ZC3HAV1: variants seen among roughly 807,000 people sequenced by gnomAD.
ZC3HAV1 encodes the protein zinc finger CCCH-type containing, antiviral 1, also known as zinc finger CCCH-type antiviral protein 1.
A neutral mutation model predicts 86.6 loss-of-function variants in ZC3HAV1; 41 were observed. The ratio of observed to expected loss-of-function variants is 0.47; its 90% CI spans 0.37 to 0.61. The LOEUF is 0.61. Ranked by LOEUF, ZC3HAV1 falls within the 20% of genes least tolerant of loss-of-function variation. The pLI is 0.00. For missense variants in ZC3HAV1, 964 were observed against 1,141.1 expected, an observed-to-expected ratio of 0.84 and a Z score of 2.24; for synonymous variants, 421 against 432.1, an observed-to-expected ratio of 0.97 and a Z score of 0.32.
chr7:139,097,185 A>G (rs1817615357), intron 1 of ZC3HAV1, among the ~76,000 whole-genome samples: 1 of 150,398 alleles, frequency 6.6e-6, no homozygotes, highest in Non-Finnish European at 1.5e-5. Flanking sequence ...GAAAATTTTA[A>G]AAATAAATGA....
Position 139,047,739 on chromosome 7 carries a change from A to G in ZC3HAV1, c.2564T>C (p.Ile855Thr). ...CTGTGGAGGAGGGCTCGTGTACGTT[A>G]TATTTCCTTCAGTAAACTTTCCAAC... is the stretch of plus-strand genomic sequence containing the variant. ...VLVGKFTEGN[I>T]TYTSPPPQFD... Residue 855 changes from isoleucine (I) to threonine (T), a missense_variant, in exon 13 of 13, where the codon ATA becomes ACA. By Grantham distance (89) the Ile-to-Thr change is moderately conservative. Transcript: ENST00000242351. 1 of 1,614,182 alleles carries G rather than the reference A, an allele frequency of 6.2e-7. No individual in the cohort carries two copies. The highest frequency in any genetic ancestry group is 8.5e-7 in the Non-Finnish European group (1 of 1,180,040).
At chr7:139,067,783 G>T (rs904340021) in intron 7 of ZC3HAV1, among the ~76,000 whole-genome samples, 1 of 152,066 alleles carries the variant, frequency 6.6e-6, no homozygotes, top group Admixed American at 6.5e-5. Context: ...CGTGGCACAG[G>T]AGCCTTCACG....
chr7:139,104,105 G>A (rs971146846), intron 1 of ZC3HAV1, among the ~76,000 whole-genome samples: 5 of 152,184 alleles, frequency 3.3e-5, no homozygotes, highest in South Asian at 2.1e-4. Flanking sequence ...TATCCCAGGA[G>A]GTGAGTTATA....
chr7:139,090,375 C>G (rs1383299413), intron 1 of ZC3HAV1, among the ~76,000 whole-genome samples: 1 of 152,142 alleles, frequency 6.6e-6, no homozygotes, highest in East Asian at 1.9e-4. Context: ...CAGATGTGAA[C>G]CACCACACCC....
chr7:139,109,439 G>A lies in ZC3HAV1; in HGVS notation c.-108C>T, dbSNP rs573216033. 2.3e-5 allele frequency: 32 copies of A among 1,368,626 alleles called. No homozygotes were observed. In the South Asian group the frequency reaches 4.5e-4, roughly 19 times the overall value. 84.8% of individuals were successfully genotyped at this position (1,368,626 alleles called of 1,614,324 possible). A position where few individuals can be genotyped will look rare whatever the true frequency, so the allele number is the denominator to read the frequency against. ...GGCGGGCGCGGGCGGTGCTACTGCT[G>A]GGCGCGCCCGGAGTCAGCGAGGGCG... On this transcript the variant is annotated 5_prime_UTR_variant, in exon 1 of 13. Coordinates refer to ENST00000242351, the MANE Select transcript of ZC3HAV1 (RefSeq NM_020119.4).
At chr7:139,101,489 GCCA>G (rs1345001625) in intron 1 of ZC3HAV1, among the ~76,000 whole-genome samples, 1 of 108,150 alleles carries the variant, frequency 9.2e-6, no homozygotes, top group Non-Finnish European at 1.8e-5. Flanking sequence ...CCTCAGCCCG[GCCA>G]CCACCCCGTC....
intron 2 of ZC3HAV1, among the ~76,000 whole-genome samples, chr7:139,088,918 C>T (rs1308202802): frequency 6.6e-6 from 1 of 151,922 alleles, no homozygotes; most frequent in Admixed American, 6.6e-5. Context: ...GGCTGGCCAA[C>T]ATGGTGAAAC....
At chr7:139,074,294 A>G (rs1406608475) in intron 6 of ZC3HAV1, among the ~76,000 whole-genome samples, 1 of 152,218 alleles carries the variant, frequency 6.6e-6, no homozygotes, top group Admixed American at 6.5e-5. Flanking sequence ...GTGCCCACAA[A>G]ACTCCTGATT....
At position 139,051,225 on chromosome 7, in the gene ZC3HAV1, T is replaced by A; in HGVS notation, c.2449+2226A>T. Among the ~76,000 whole-genome samples, 2 of 151,814 alleles carry A rather than the reference T, an allele frequency of 1.3e-5. 1 individual carries two copies. Among genetic ancestry groups the A allele is most frequent in the Non-Finnish European group, 2.9e-5 (2 of 67,926 alleles). ...GGCATGGGCCACTGCACCCAGCTAA[T>A]TTTTGTATTTTTAGTAGAAACGGGG... On this transcript the variant is annotated intron_variant, in intron 12 of 12. Coordinates refer to ENST00000242351, the MANE Select transcript of ZC3HAV1 (RefSeq NM_020119.4).
Position 139,070,099 on chromosome 7 carries a change from ATT to A in ZC3HAV1, c.1872+3755_1872+3756del, listed in dbSNP as rs3839657. On this transcript the variant is annotated intron_variant, in intron 7 of 12. Coordinates refer to ENST00000242351, the MANE Select transcript of ZC3HAV1 (RefSeq NM_020119.4). ...TAAACCCAGGGCCTGATTTTTCCTT[ATT>A]TTTTTTTTTAATAACTAGAGCCAAT... 3.8e-3 allele frequency among the ~76,000 whole-genome samples: 571 copies of A among 148,584 alleles called. 4 individuals are homozygous for A. The highest frequency in any genetic ancestry group is 0.014 in the African/African-American group (552 of 40,786).
At chr7:139,105,984 C>T (rs938040170) in intron 1 of ZC3HAV1, among the ~76,000 whole-genome samples, 1 of 151,912 alleles carries the variant, frequency 6.6e-6, no homozygotes, top group South Asian at 2.1e-4. Flanking sequence ...GTTTGTAATT[C>T]CCAAATTCAA....
intron 12 of ZC3HAV1, among the ~76,000 whole-genome samples, chr7:139,052,610 A>G (rs1430357327): frequency 8.1e-6 from 1 of 122,798 alleles, no homozygotes; most frequent in Non-Finnish European, 1.6e-5. Flanking sequence ...TGTCTCCAAA[A>G]AAAAAAAAAA....
In ZC3HAV1 at chr7:139,065,132, C is replaced by T. The variant is rs1304666179; in HGVS notation, c.1873-133G>A. The T allele has an allele frequency of 1.0e-5, 12 of 1,192,172 alleles. No individual in the cohort carries two copies. The South Asian group carries it at 1.8e-4, about 18-fold the overall frequency. 73.8% of individuals were successfully genotyped at this position (1,192,172 alleles called of 1,614,324 possible). ...TTCCCAAACCAGATTGTAAAAGCTT[C>T]CAGCTCAGGGCTATGTCACAGACTT... is the stretch of plus-strand genomic sequence containing the variant. On this transcript the variant is annotated intron_variant, in intron 7 of 12. Transcript: ENST00000242351.
chr7:139,086,589 A>G (rs1817279317), intron 2 of ZC3HAV1, among the ~76,000 whole-genome samples: 1 of 152,166 alleles, frequency 6.6e-6, no homozygotes, highest in South Asian at 2.1e-4. Flanking sequence ...TTAGGTTCAT[A>G]TCTGCCGACC....
intron 1 of ZC3HAV1, among the ~76,000 whole-genome samples, chr7:139,096,645 A>C (rs1156504021): frequency 6.6e-6 from 1 of 152,196 alleles, no homozygotes; most frequent in African/African-American, 2.4e-5. Flanking sequence ...CTAATCTCTG[A>C]GAAAGATCAC....
intron 8 of ZC3HAV1, among the ~76,000 whole-genome samples, chr7:139,064,284 G>A (rs1816534850): frequency 6.6e-6 from 1 of 152,300 alleles, no homozygotes; most frequent in South Asian, 2.1e-4. Context: ...GTGCCCAATG[G>A]GATGGTACCT....
chr7:139,053,007 TC>T (rs1262835280), intron 12 of ZC3HAV1, among the ~76,000 whole-genome samples: 1 of 152,078 alleles, frequency 6.6e-6, no homozygotes, highest in Non-Finnish European at 1.5e-5. Flanking sequence ...CTGTGACACT[TC>T]AGACCGAGGT....
chr7:139,055,136 T>G (rs1197349404), intron 10 of ZC3HAV1, 69 bp downstream of exon 10: 1 of 1,390,536 alleles, frequency 7.2e-7, no homozygotes, highest in Non-Finnish European at 1.0e-6. Context: ...GACAAACACA[T>G]ACACTTGTAG....
intron 1 of ZC3HAV1, among the ~76,000 whole-genome samples, chr7:139,095,129 T>C (rs1194573719): frequency 1.3e-5 from 2 of 152,006 alleles, no homozygotes; most frequent in African/African-American, 2.4e-5. Flanking sequence ...CACCATGATA[T>C]AAGCCAGGTA....
Sources: gnomAD v4.1 joint callset for allele counts (sites outside exome capture counted in the v4.1 genomes callset) on GRCh38, gnomAD v4.1.1 for gene constraint, MANE v1.5 for transcripts, NCBI Gene and HGNC (gene_info 2026-07-23, HGNC 2026-07-21) for gene names.